PRKG1: variants seen among roughly 807,000 people sequenced by gnomAD.
The protein encoded by PRKG1 is cGMP-dependent protein kinase 1.
In PRKG1, 35 loss-of-function variants were observed where a neutral mutation model predicts 88.1. That is an observed-to-expected ratio of 0.40 (90% CI 0.30 to 0.53). The LOEUF (loss-of-function observed/expected upper bound fraction) is 0.53. PRKG1 is among the 20% of genes least tolerant of loss of function. The pLI, the probability that PRKG1 is intolerant of heterozygous loss-of-function variation, is 0.59. For missense variants in PRKG1, 540 were observed against 839.8 expected, an observed-to-expected ratio of 0.64 and a Z score of 4.41; for synonymous variants, 303 against 292.5, an observed-to-expected ratio of 1.04 and a Z score of -0.37.
chr10:51,604,128 T>G (rs2132231589), intron 3 of PRKG1, among the ~76,000 whole-genome samples: 1 of 152,014 alleles, frequency 6.6e-6, no homozygotes, highest in South Asian at 2.1e-4. Context: ...ACCCTCTTCC[T>G]TACCACACCA....
At chr10:51,142,723 G>A (rs553731334) in intron 1 of PRKG1, among the ~76,000 whole-genome samples, 2 of 152,064 alleles carry the variant, frequency 1.3e-5, no homozygotes, top group East Asian at 1.9e-4. Context: ...GACAAATAAG[G>A]TTCTACCTAC....
intron 3 of PRKG1, among the ~76,000 whole-genome samples, chr10:51,759,450 A>C (rs924493774): frequency 1.3e-5 from 2 of 152,064 alleles, no homozygotes; most frequent in Non-Finnish European, 2.9e-5. Flanking sequence ...TATTTTTAGC[A>C]GAGATGGGGT....
chr10:52,205,338 A>C (rs920931742), intron 9 of PRKG1, among the ~76,000 whole-genome samples: 1 of 152,160 alleles, frequency 6.6e-6, no homozygotes, highest in African/African-American at 2.4e-5. Context: ...TTTATGGCTC[A>C]GGGGGCATCA....
intron 3 of PRKG1, among the ~76,000 whole-genome samples, chr10:51,567,743 C>G (rs974078918): frequency 6.6e-6 from 1 of 152,012 alleles, no homozygotes; most frequent in African/African-American, 2.4e-5. Context: ...TGCACCACCA[C>G]GCCCAGCTAA....
intron 3 of PRKG1, among the ~76,000 whole-genome samples, chr10:51,477,999 A>G (rs1840247201): frequency 6.6e-6 from 1 of 152,038 alleles, no homozygotes; most frequent in South Asian, 2.1e-4. Flanking sequence ...CATTGAATTC[A>G]ATGCTTCTGT....
intron 9 of PRKG1, among the ~76,000 whole-genome samples, chr10:52,217,405 G>A (rs942315611): frequency 6.6e-6 from 1 of 151,662 alleles, no homozygotes; most frequent in Non-Finnish European, 1.5e-5. Flanking sequence ...TGTATAAGTA[G>A]AGTTCTCTCT....
chr10:51,084,123 C>T (rs555975750), intron 1 of PRKG1, among the ~76,000 whole-genome samples: 4 of 152,192 alleles, frequency 2.6e-5, no homozygotes, highest in Non-Finnish European at 4.4e-5. Context: ...TAAGGCTACC[C>T]GGAGGATTGG....
chr10:51,007,760 G>A (rs1409490358), intron 1 of PRKG1, among the ~76,000 whole-genome samples: 4 of 152,122 alleles, frequency 2.6e-5, no homozygotes, highest in African/African-American at 9.7e-5. Context: ...TTAGTGTTTT[G>A]GAGACAAAGT....
At chr10:52,213,024 T>C (rs2132807348) in intron 9 of PRKG1, among the ~76,000 whole-genome samples, 1 of 152,250 alleles carries the variant, frequency 6.6e-6, no homozygotes, top group Admixed American at 6.5e-5. Flanking sequence ...CATGAATGTT[T>C]ACACACTAAG....
At chr10:51,078,606 T>A (rs1308700474) in intron 1 of PRKG1, among the ~76,000 whole-genome samples, 1 of 142,366 alleles carries the variant, frequency 7.0e-6, no homozygotes, top group East Asian at 2.7e-4. Context: ...ATTTATTTAT[T>A]TATTTATTTA....
chr10:51,041,776 G>T (rs947885488), intron 1 of PRKG1, among the ~76,000 whole-genome samples: 1 of 152,166 alleles, frequency 6.6e-6, no homozygotes, highest in African/African-American at 2.4e-5. Flanking sequence ...CTGAGAAAGG[G>T]CATGGTTATG....
intron 3 of PRKG1, among the ~76,000 whole-genome samples, chr10:51,795,724 A>G (rs1372417933): frequency 6.6e-6 from 1 of 152,088 alleles, no homozygotes; most frequent in East Asian, 1.9e-4. Flanking sequence ...TTCCTTGAGC[A>G]TATATTAAAG....
At chr10:52,272,089 C>G (rs16928715) in intron 11 of PRKG1, among the ~76,000 whole-genome samples, 4,518 of 152,030 alleles carry the variant, frequency 0.03, 299 homozygotes, top group East Asian at 0.24. Flanking sequence ...TAAATGTTGC[C>G]CCAAGGGTCT....
intron 5 of PRKG1, among the ~76,000 whole-genome samples, chr10:52,008,507 A>G (rs1589511888): frequency 6.6e-6 from 1 of 152,304 alleles, no homozygotes; most frequent in East Asian, 1.9e-4. Flanking sequence ...CTGTGTTCAC[A>G]CAAGCTAGAA....
intron 3 of PRKG1, among the ~76,000 whole-genome samples, chr10:51,599,693 A>G (rs1329802774): frequency 6.6e-6 from 1 of 152,178 alleles, no homozygotes; most frequent in African/African-American, 2.4e-5. Flanking sequence ...CTCCAAAGAT[A>G]TATTTTTATA....
At chr10:51,098,071 T>C (rs933290019) in intron 1 of PRKG1, among the ~76,000 whole-genome samples, 1 of 152,198 alleles carries the variant, frequency 6.6e-6, no homozygotes, top group African/African-American at 2.4e-5. Flanking sequence ...GAATGGATTA[T>C]CATTAATTTC....
intron 3 of PRKG1, among the ~76,000 whole-genome samples, chr10:51,528,183 A>C (rs892640681): frequency 6.6e-6 from 1 of 152,220 alleles, no homozygotes; most frequent in Non-Finnish European, 1.5e-5. Flanking sequence ...ACCCACCACA[A>C]CAGTGAGCTA....
chr10:51,126,047 TATATAATTATATATAATATACTAC>T (rs1366008843), intron 1 of PRKG1, among the ~76,000 whole-genome samples: 1 of 123,080 alleles, frequency 8.1e-6, no homozygotes, highest in African/African-American at 3.3e-5. Flanking sequence ...TAATATACTA[TATATAATTATATATAATATACTAC>T]ATATAATTAT....
intron 2 of PRKG1, among the ~76,000 whole-genome samples, chr10:51,231,668 T>A (rs543827593): frequency 6.6e-6 from 1 of 152,330 alleles, no homozygotes; most frequent in African/African-American, 2.4e-5. Flanking sequence ...GACGTTCTGT[T>A]GAGCTCAGAC....
Sources: gnomAD v4.1 joint callset for allele counts (sites outside exome capture counted in the v4.1 genomes callset) on GRCh38, gnomAD v4.1.1 for gene constraint, MANE v1.5 for transcripts, NCBI Gene and HGNC (gene_info 2026-07-23, HGNC 2026-07-21) for gene names.